Variants in ERG observed in about 807,000 individuals in gnomAD.
ERG encodes ETS transcription factor ERG, also known as transcriptional regulator ERG.
ERG carries 9 observed loss-of-function variants against 55.3 expected under a neutral mutation model. The ratio of observed to expected loss-of-function variants is 0.16; its 90% CI spans 0.10 to 0.28. The LOEUF (loss-of-function observed/expected upper bound fraction) is 0.28. Among genes scored for constraint, ERG ranks in the 10% least tolerant of loss-of-function variants. The pLI, the probability that ERG is intolerant of heterozygous loss-of-function variation, is 1.00. For missense variants in ERG, 434 were observed against 631.6 expected, an observed-to-expected ratio of 0.69 and a Z score of 3.35; for synonymous variants, 223 against 237.3, an observed-to-expected ratio of 0.94 and a Z score of 0.55.
At chr21:38,514,353 T>C (rs962696548) in intron 2 of ERG, among the ~76,000 whole-genome samples, 2 of 151,750 alleles carry the variant, frequency 1.3e-5, no homozygotes, top group South Asian at 4.1e-4. Flanking sequence ...TAAACATAGA[T>C]GCAAAATCCT....
At chr21:38,405,472 C>G (rs969220813) in intron 3 of ERG, among the ~76,000 whole-genome samples, 2 of 152,116 alleles carry the variant, frequency 1.3e-5, no homozygotes, top group African/African-American at 4.8e-5. Flanking sequence ...GACTGAAAAA[C>G]TAGTGATGCC....
intron 1 of ERG, among the ~76,000 whole-genome samples, chr21:38,651,163 C>T (rs544553893): frequency 1.3e-5 from 2 of 152,288 alleles, no homozygotes; most frequent in South Asian, 4.1e-4. Flanking sequence ...CATGAAGTGA[C>T]TCAACAGGAA....
At chr21:38,629,330 C>T (rs2060343788) in intron 1 of ERG, among the ~76,000 whole-genome samples, 1 of 152,236 alleles carries the variant, frequency 6.6e-6, no homozygotes, top group Non-Finnish European at 1.5e-5. Flanking sequence ...AGGTGCAAAC[C>T]TTTCCACACT....
At chr21:38,479,844 A>G (rs2059221314) in intron 1 of ERG, among the ~76,000 whole-genome samples, 1 of 152,252 alleles carries the variant, frequency 6.6e-6, no homozygotes. Flanking sequence ...CAAACTTCAA[A>G]GACAGAAGAT....
chr21:38,447,543 G>T (rs532097979), intron 1 of ERG, among the ~76,000 whole-genome samples: 1 of 149,622 alleles, frequency 6.7e-6, no homozygotes, highest in African/African-American at 2.5e-5. Flanking sequence ...CTAGATGTTA[G>T]GGAACCTGAA....
chr21:38,518,190 G>A (rs2059566121), intron 2 of ERG, among the ~76,000 whole-genome samples: 1 of 152,042 alleles, frequency 6.6e-6, no homozygotes, highest in African/African-American at 2.4e-5. Context: ...CACATTCTAT[G>A]CATGTAACAA....
Position 38,445,484 on chromosome 21 carries a change from A to G in ERG, c.156T>C (p.Pro52=), listed in dbSNP as rs144701181. ...GQTSKMSPRV[P]QQDWLSQPPA... is the part of the protein sequence containing the mutation. The stretch of plus-strand genomic sequence containing the variant: ...GGGGTTGAGACAGCCAATCCTGCTG[A>G]GGGACGCGTGGGCTCATCTTGGAAG... Residue 52 remains proline, a synonymous_variant, in exon 2 of 10, where the codon CCT becomes CCC. Coordinates refer to ENST00000288319, the MANE Select transcript of ERG (RefSeq NM_182918.4). 32 of 1,614,076 alleles carry G rather than the reference A, an allele frequency of 2.0e-5. No homozygotes were observed. The Middle Eastern group carries it at 6.6e-4, about 33-fold the overall frequency.
chr21:38,426,897 C>G (rs1277609411), intron 2 of ERG, among the ~76,000 whole-genome samples: 1 of 151,128 alleles, frequency 6.6e-6, no homozygotes, highest in African/African-American at 2.4e-5. Flanking sequence ...GCCATTGCAC[C>G]CCAGCCTGGG....
intron 2 of ERG, among the ~76,000 whole-genome samples, chr21:38,437,563 A>G (rs2058802317): frequency 6.6e-6 from 1 of 152,162 alleles, no homozygotes; most frequent in Admixed American, 6.5e-5. Context: ...TGTTTATTAG[A>G]GAGAAGTTCC....
At chr21:38,645,186 T>G (rs2060448478) in intron 1 of ERG, among the ~76,000 whole-genome samples, 1 of 152,122 alleles carries the variant, frequency 6.6e-6, no homozygotes, top group Admixed American at 6.6e-5. Flanking sequence ...TTTAAAAATT[T>G]TAAACCCTTA....
chr21:38,497,098 T>G (rs968703862), intron 1 of ERG, among the ~76,000 whole-genome samples: 8 of 152,206 alleles, frequency 5.3e-5, no homozygotes, highest in African/African-American at 1.9e-4. Context: ...AAGAAAAGTA[T>G]AAGGTGAAAG....
chr21:38,432,393 C>G (rs1990255958), intron 2 of ERG, among the ~76,000 whole-genome samples: 1 of 152,196 alleles, frequency 6.6e-6, no homozygotes, highest in Admixed American at 6.5e-5. Context: ...TGCACTGAAA[C>G]CCCTAATTTC....
chr21:38,503,093 T>C (rs762874727), upstream of ERG, among the ~76,000 whole-genome samples: 5 of 152,228 alleles, frequency 3.3e-5, no homozygotes, highest in Non-Finnish European at 5.9e-5. Flanking sequence ...TTGACAGCTA[T>C]ATCTTATAAT....
intron 1 of ERG, among the ~76,000 whole-genome samples, chr21:38,624,491 T>C (rs1568957575): frequency 6.6e-6 from 1 of 152,156 alleles, no homozygotes; most frequent in Non-Finnish European, 1.5e-5. Flanking sequence ...TCCCTACTCA[T>C]CCCGGCGAAC....
chr21:38,491,953 A>G (rs1271223156), intron 1 of ERG, among the ~76,000 whole-genome samples: 1 of 149,282 alleles, frequency 6.7e-6, no homozygotes, highest in East Asian at 1.9e-4. Context: ...CACCTAGAGT[A>G]TAAGAATTGC....
At chr21:38,566,710 GA>G (rs1321294711) in intron 2 of ERG, among the ~76,000 whole-genome samples, 1 of 152,004 alleles carries the variant, frequency 6.6e-6, no homozygotes, top group Admixed American at 6.5e-5. Flanking sequence ...AAGAAACAAA[GA>G]AACAAAAAAC....
At chr21:38,403,893 T>A (rs1988635691) in intron 3 of ERG, among the ~76,000 whole-genome samples, 184 bp from the exon 4 acceptor site, 1 of 152,178 alleles carries the variant, frequency 6.6e-6, no homozygotes, top group Admixed American at 6.5e-5. Flanking sequence ...CATCCATAGA[T>A]CATTGTCTTT....
chr21:38,657,155 C>A (rs1486003056), intron 1 of ERG, among the ~76,000 whole-genome samples: 1 of 152,138 alleles, frequency 6.6e-6, no homozygotes, highest in Non-Finnish European at 1.5e-5. Context: ...ATTCAAATGG[C>A]CTATTTTACA....
At chr21:38,615,894 C>G (rs968230684) in intron 1 of ERG, among the ~76,000 whole-genome samples, 1 of 152,000 alleles carries the variant, frequency 6.6e-6, no homozygotes, top group African/African-American at 2.4e-5. Flanking sequence ...TGCCAAGAGT[C>G]AGCAACAGCT....
Sources: allele counts gnomAD v4.1 joint callset (sites outside exome capture counted in the v4.1 genomes callset), GRCh38; gene constraint gnomAD v4.1.1; transcripts MANE v1.5; gene names NCBI Gene and HGNC (gene_info 2026-07-23, HGNC 2026-07-21).